Variants in TNKS observed in about 807,000 individuals in gnomAD.
The protein encoded by TNKS is poly [ADP-ribose] polymerase tankyrase-1.
Under a neutral mutation model 135.8 loss-of-function variants are expected in TNKS, and 72 were observed. The observed-to-expected ratio is 0.53, with a 90% CI of 0.44 to 0.64. The LOEUF is 0.64. Ranked by LOEUF, TNKS falls within the 30% of genes least tolerant of loss-of-function variation. The pLI is 0.00. For missense variants in TNKS, 1,769 were observed against 1,674.0 expected (o/e 1.06, Z -0.99); for synonymous variants, 849 against 649.3 (o/e 1.31, Z -4.68).
chr8:9,756,979 TTG>T (rs1806866867), intron 20 of TNKS, among the ~76,000 whole-genome samples: 1 of 152,022 alleles, frequency 6.6e-6, no homozygotes, highest in African/African-American at 2.4e-5. Flanking sequence ...TTGTTTTTTT[TTG>T]TTTGTTTGTT....
intron 11 of TNKS, among the ~76,000 whole-genome samples, chr8:9,715,523 A>G (rs759050014): frequency 3.9e-4 from 59 of 152,140 alleles, no homozygotes; most frequent in Non-Finnish European, 7.1e-4. Flanking sequence ...GCTGTCCTCT[A>G]TCTCCTCCCA....
intron 3 of TNKS, among the ~76,000 whole-genome samples, chr8:9,641,847 C>T (rs977257722): frequency 6.8e-6 from 1 of 146,102 alleles, no homozygotes; most frequent in African/African-American, 2.5e-5. Context: ...AAGTCGTTTT[C>T]TGTAAGATAT....
intron 3 of TNKS, among the ~76,000 whole-genome samples, chr8:9,640,476 T>C (rs1224497924): frequency 6.9e-6 from 1 of 145,952 alleles, no homozygotes; most frequent in Non-Finnish European, 1.5e-5. Flanking sequence ...AATGGGTAAT[T>C]GTTTACCCAG....
At chr8:9,702,045 G>A (rs1585347915) in intron 5 of TNKS, among the ~76,000 whole-genome samples, 1 of 152,190 alleles carries the variant, frequency 6.6e-6, no homozygotes, top group Admixed American at 6.5e-5. Flanking sequence ...AAAGGACAAT[G>A]CCTCAGTAGT....
chr8:9,617,245 C>G (rs1206753759), intron 3 of TNKS, among the ~76,000 whole-genome samples: 1 of 152,134 alleles, frequency 6.6e-6, no homozygotes, highest in East Asian at 1.9e-4. Flanking sequence ...GGAACAATCA[C>G]TTGTGGAGAC....
At chr8:9,699,139 T>C (rs1307912734) in intron 5 of TNKS, among the ~76,000 whole-genome samples, 3 of 152,244 alleles carry the variant, frequency 2.0e-5, no homozygotes, top group Non-Finnish European at 4.4e-5. Flanking sequence ...TTGTGTTTAC[T>C]AGTTTACAAC....
rs764327031 is a variant in TNKS, at chr8:9,704,716, T to A, written c.1161T>A (p.Leu387=). 7 of 1,613,606 alleles carry A rather than the reference T, an allele frequency of 4.3e-6. No individual in the cohort carries two copies. The South Asian group carries it at 5.5e-5, about 13-fold the overall frequency. ...ACAACAGAGTTCGAATAGTTCAGCT[T>A]CTTCTTCAGCATGGTGCTGATGTTC... ...AGYNRVRIVQ[L]LLQHGADVHA... is the part of the protein sequence containing the mutation. The change falls in exon 6 of 27, where the codon CTT becomes CTA. Residue 387 remains leucine, a synonymous_variant. Transcript: ENST00000310430.
chr8:9,617,476 T>C (rs1464228172), intron 3 of TNKS, among the ~76,000 whole-genome samples: 1 of 152,252 alleles, frequency 6.6e-6, no homozygotes, highest in East Asian at 1.9e-4. Flanking sequence ...TCAGATGTGA[T>C]TTAAAAGGAA....
At chr8:9,580,065 G>A (rs577008109) in intron 1 of TNKS, 94 bp from the exon 2 acceptor site, 1 of 1,033,940 alleles carries the variant, frequency 9.7e-7, no homozygotes, top group Admixed American at 1.9e-5. Context: ...CAGTACTTCA[G>A]TTGTTCATAC....
chr8:9,694,368 TAGG>T (rs1325366019), intron 5 of TNKS, among the ~76,000 whole-genome samples: 4 of 152,174 alleles, frequency 2.6e-5, no homozygotes, highest in African/African-American at 9.7e-5. Flanking sequence ...CACAGTGAGT[TAGG>T]AGACAGATAC....
chr8:9,578,158 C>T (rs1290841843), intron 1 of TNKS, among the ~76,000 whole-genome samples: 2 of 152,172 alleles, frequency 1.3e-5, no homozygotes, highest in African/African-American at 4.8e-5. Flanking sequence ...CATGGCTGCT[C>T]TCAAGGGCTG....
chr8:9,556,111 T>C lies in TNKS; in HGVS notation c.172T>C (p.Ser58Pro), dbSNP rs199903761. ...PTASGLAPFA[S>P]PRHGLALPEG... ...GGCCAGCGGCCTGGCCCCCTTCGCCTCCCCGCGGCACGGCCTAGCGCTGCC... is the reference window on the plus strand; with the variant it reads ...GGCCAGCGGCCTGGCCCCCTTCGCCCCCCCGCGGCACGGCCTAGCGCTGCC... The change falls in exon 1 of 27, where the codon TCC becomes CCC. Residue 58 changes from serine (S) to proline (P), a missense_variant. Ser to Pro is a moderately conservative substitution (Grantham distance 74). This residue lies in a region of TNKS where 450 missense variants were observed against 304.9 expected (regional missense o/e 1.48). Transcript: ENST00000310430. The C allele has an allele frequency of 6.2e-7, 1 of 1,600,824 alleles. No homozygotes were observed. Among genetic ancestry groups the C allele is most frequent in the Admixed American group, 1.7e-5 (1 of 59,134 alleles).
intron 2 of TNKS, among the ~76,000 whole-genome samples, chr8:9,615,072 C>G (rs1799589568): frequency 6.6e-6 from 1 of 152,166 alleles, no homozygotes; most frequent in African/African-American, 2.4e-5. Flanking sequence ...GTCTGTTAAA[C>G]TTCTTGGAAG....
chr8:9,684,025 T>C (rs941253123), intron 5 of TNKS, among the ~76,000 whole-genome samples: 1 of 151,880 alleles, frequency 6.6e-6, no homozygotes, highest in African/African-American at 2.4e-5. Flanking sequence ...AATGATACTT[T>C]TATGCAATTA....
chr8:9,735,814 A>C (rs1452089848), intron 17 of TNKS, among the ~76,000 whole-genome samples: 2 of 152,002 alleles, frequency 1.3e-5, no homozygotes, highest in Admixed American at 6.6e-5. Context: ...TAAATAAATA[A>C]ATAAATAAAA....
At chr8:9,567,944 A>G (rs1424651201) in intron 1 of TNKS, among the ~76,000 whole-genome samples, 10 of 151,970 alleles carry the variant, frequency 6.6e-5, no homozygotes, top group Non-Finnish European at 1.5e-4. Flanking sequence ...CATTTAAGTG[A>G]AAAAAAAGGG....
intron 3 of TNKS, among the ~76,000 whole-genome samples, chr8:9,672,351 A>G (rs1802312687): frequency 6.6e-6 from 1 of 152,134 alleles, no homozygotes; most frequent in African/African-American, 2.4e-5. Flanking sequence ...ACCATATATT[A>G]CAAAACACCC....
rs768679628 is a variant in TNKS at position 9,748,138 on chromosome 8, G to A, written c.2758G>A (p.Ala920Thr). Reference sequence around the variant, plus strand: ...CCAGAAAGGAAGGACGCAGCTGTGCGCCCTCCTCCTAGCGCATGGTGCAGA... The same window carrying A: ...CCAGAAAGGAAGGACGCAGCTGTGCACCCTCCTCCTAGCGCATGGTGCAGA... ...AAQKGRTQLC[A>T]LLLAHGADPT... The change falls in exon 18 of 27, where the codon GCC (alanine) becomes ACC (threonine). Residue 920 changes from alanine to threonine, a missense_variant. Around this residue, in one of 5 missense-constraint regions of TNKS, gnomAD observed 722 missense variants for 688.9 expected, o/e 1.05. Coordinates refer to ENST00000310430, the MANE Select transcript of TNKS (RefSeq NM_003747.3). 1.5e-5 allele frequency: 24 copies of A among 1,614,080 alleles called. No individual in the cohort carries two copies. Among genetic ancestry groups the A allele is most frequent in the Admixed American group, 8.3e-5 (5 of 60,018 alleles).
chr8:9,563,515 T>C (rs1797415799), intron 1 of TNKS, among the ~76,000 whole-genome samples: 1 of 152,164 alleles, frequency 6.6e-6, no homozygotes, highest in African/African-American at 2.4e-5. Context: ...TTTATGAGAA[T>C]AGGTGATGGG....
Sources: gnomAD v4.1 joint callset for allele counts (sites outside exome capture counted in the v4.1 genomes callset) on GRCh38, gnomAD v4.1.1 for gene constraint, gnomAD v4.1.1 regional missense constraint, MANE v1.5 for transcripts, NCBI Gene and HGNC (gene_info 2026-07-23, HGNC 2026-07-21) for gene names.